Variants in PPP2R2B observed in about 807,000 individuals in gnomAD.
The protein encoded by PPP2R2B is serine/threonine-protein phosphatase 2A 55 kDa regulatory subunit B beta isoform.
Under a neutral mutation model 46.0 loss-of-function variants are expected in PPP2R2B, and 5 were observed. The ratio of observed to expected loss-of-function variants is 0.11; its 90% CI spans 0.06 to 0.23. The LOEUF is 0.23. Ranked by LOEUF, PPP2R2B falls within the 10% of genes least tolerant of loss-of-function variation. PPP2R2B has a pLI of 1.00. For missense variants in PPP2R2B, 367 were observed against 575.0 expected (o/e 0.64, Z 3.70); for synonymous variants, 215 against 206.7 (o/e 1.04, Z -0.34).
chr5:146,726,460 A>G (rs1349541453), intron 2 of PPP2R2B, among the ~76,000 whole-genome samples: 1 of 152,196 alleles, frequency 6.6e-6, no homozygotes, highest in Non-Finnish European at 1.5e-5. Flanking sequence ...TACCCTGATT[A>G]TTAACAATAG....
At chr5:146,788,213 T>C (rs981278466) in intron 2 of PPP2R2B, among the ~76,000 whole-genome samples, 10 of 151,888 alleles carry the variant, frequency 6.6e-5, no homozygotes, top group African/African-American at 2.2e-4. Flanking sequence ...GGAAGAAAAA[T>C]AAATCCATAT....
chr5:146,796,727 G>A (rs1026550381), intron 2 of PPP2R2B, among the ~76,000 whole-genome samples: 7 of 152,170 alleles, frequency 4.6e-5, no homozygotes, highest in Non-Finnish European at 1.0e-4. Context: ...AATTTAGGAA[G>A]TCTCTGTTCC....
At chr5:146,837,161 C>T (rs967458526) in intron 2 of PPP2R2B, among the ~76,000 whole-genome samples, 6 of 152,118 alleles carry the variant, frequency 3.9e-5, no homozygotes, top group Admixed American at 6.6e-5. Flanking sequence ...AAATGTACTT[C>T]GAGTATCCAC....
At chr5:146,868,722 A>T (rs1193614028) in intron 2 of PPP2R2B, among the ~76,000 whole-genome samples, 3 of 152,112 alleles carry the variant, frequency 2.0e-5, no homozygotes, top group African/African-American at 7.2e-5. Flanking sequence ...GGACCCTTGT[A>T]TTGATTGATT....
chr5:146,667,332 GCACACACA>G (rs144297178), intron 5 of PPP2R2B, among the ~76,000 whole-genome samples: 7 of 32,054 alleles, frequency 2.2e-4, no homozygotes, highest in African/African-American at 6.5e-4. Context: ...GCGTGCGCGC[GCACACACA>G]CACACACACA....
chr5:146,774,054 G>A (rs901503763), intron 2 of PPP2R2B, among the ~76,000 whole-genome samples: 1 of 152,110 alleles, frequency 6.6e-6, no homozygotes, highest in African/African-American at 2.4e-5. Flanking sequence ...TTGTAGGCTT[G>A]GTGAATTCTG....
At chr5:146,777,441 T>C (rs1035634190) in intron 2 of PPP2R2B, among the ~76,000 whole-genome samples, 1 of 152,082 alleles carries the variant, frequency 6.6e-6, no homozygotes, top group Admixed American at 6.6e-5. Context: ...ATAGAATATA[T>C]AGTAGAGGTT....
intron 5 of PPP2R2B, among the ~76,000 whole-genome samples, chr5:146,677,829 G>C (rs1012235102): frequency 6.6e-6 from 1 of 151,998 alleles, no homozygotes; most frequent in African/African-American, 2.4e-5. Context: ...CTCCTGGCCC[G>C]CTGTGACTAT....
At chr5:146,617,883 T>TG (rs1178913726) in intron 7 of PPP2R2B, among the ~76,000 whole-genome samples, 3 of 151,982 alleles carry the variant, frequency 2.0e-5, no homozygotes, top group Non-Finnish European at 4.4e-5. Context: ...TTAGTAGAGA[T>TG]GGGGTTTCAC....
intron 4 of PPP2R2B, among the ~76,000 whole-genome samples, 174 bp downstream of exon 4, chr5:146,697,805 T>C (rs1372174610): frequency 2.6e-5 from 4 of 152,180 alleles, no homozygotes; most frequent in Admixed American, 1.3e-4. Context: ...GTAGTTACTA[T>C]TTATTGAGGG....
chr5:146,650,814 A>C, intron 5 of PPP2R2B, 90 bp from the exon 6 acceptor site: 1 of 1,217,526 alleles, frequency 8.2e-7, no homozygotes, highest in African/African-American at 1.5e-5. Context: ...TATCACACAC[A>C]AAATAATAGC....
intron 7 of PPP2R2B, among the ~76,000 whole-genome samples, chr5:146,615,903 T>C (rs983100178): frequency 2.6e-5 from 4 of 152,120 alleles, no homozygotes; most frequent in Admixed American, 2.0e-4. Flanking sequence ...AAAATTTATA[T>C]GAAACCACAA....
chr5:146,931,135 C>A (rs1160851226), intron 1 of PPP2R2B, among the ~76,000 whole-genome samples: 1 of 152,034 alleles, frequency 6.6e-6, no homozygotes, highest in African/African-American at 2.4e-5. Flanking sequence ...CTATGCTCAA[C>A]TATAGTTGAA....
At chr5:146,756,095 C>T (rs532805546) in intron 2 of PPP2R2B, among the ~76,000 whole-genome samples, 1 of 152,262 alleles carries the variant, frequency 6.6e-6, no homozygotes, top group Admixed American at 6.5e-5. Context: ...TGGGAAGGAA[C>T]AAACCAGAGG....
chr5:146,954,302 A>G (rs886606519), intron 1 of PPP2R2B, among the ~76,000 whole-genome samples: 1 of 152,180 alleles, frequency 6.6e-6, no homozygotes. Flanking sequence ...CATTGAAATG[A>G]TTCCCATGTC....
chr5:147,024,369 A>G (rs1185877401), intron 1 of PPP2R2B, among the ~76,000 whole-genome samples: 1 of 152,190 alleles, frequency 6.6e-6, no homozygotes, highest in African/African-American at 2.4e-5. Flanking sequence ...ATCCACAATA[A>G]TATTTGGTAA....
intron 2 of PPP2R2B, among the ~76,000 whole-genome samples, chr5:147,065,033 G>A (rs562806065): frequency 6.6e-6 from 1 of 152,208 alleles, no homozygotes; most frequent in Non-Finnish European, 1.5e-5. Flanking sequence ...CAGGCATGGT[G>A]CTGGGCACTA....
chr5:146,600,827 T>C (rs1483106208), intron 7 of PPP2R2B, among the ~76,000 whole-genome samples: 3 of 152,206 alleles, frequency 2.0e-5, no homozygotes, highest in Non-Finnish European at 4.4e-5. Context: ...TGAGATACAA[T>C]TCACATACCA....
rs551274585 is a variant in PPP2R2B, at chr5:146,735,688, C to T, written c.71-34546G>A. ...TGGAGTGGCCTGAGGGTAGAGTCAACGCTGAGGGACACTTGTCAAAACAAG... is the reference window on the plus strand; with the variant it reads ...TGGAGTGGCCTGAGGGTAGAGTCAATGCTGAGGGACACTTGTCAAAACAAG... On this transcript the variant is annotated intron_variant, in intron 2 of 9. Transcript: ENST00000394411. Among the ~76,000 whole-genome samples, 88 of 152,216 alleles carry T rather than the reference C, an allele frequency of 5.8e-4. No individual in the cohort carries two copies. The South Asian group carries it at 0.013, about 22-fold the overall frequency.
Sources: allele counts gnomAD v4.1 joint callset (sites outside exome capture counted in the v4.1 genomes callset), GRCh38; gene constraint gnomAD v4.1.1; transcripts MANE v1.5; gene names NCBI Gene and HGNC (gene_info 2026-07-23, HGNC 2026-07-21).